Variants in MORC2 observed in about 807,000 individuals in gnomAD.
The protein encoded by MORC2 is ATPase MORC2.
A neutral mutation model predicts 136.0 loss-of-function variants in MORC2; 30 were observed. The observed-to-expected ratio is 0.22, with a 90% CI of 0.17 to 0.30. The LOEUF is 0.30. MORC2 is among the 10% of genes least tolerant of loss of function. The pLI is 1.00. For missense variants in MORC2, 922 were observed against 1,333.1 expected, an observed-to-expected ratio of 0.69 and a Z score of 4.80; for synonymous variants, 439 against 487.0, an observed-to-expected ratio of 0.90 and a Z score of 1.30.
rs545620712 is a variant in MORC2 at position 30,931,084 on chromosome 22, G to A, written c.2841+1275C>T. Among the ~76,000 whole-genome samples, 8 of 152,118 alleles carry A rather than the reference G, an allele frequency of 5.3e-5. No individual in the cohort carries two copies. The South Asian group carries it at 1.2e-3, about 24-fold the overall frequency. ...TCACCCCCAAGCCCACTGCCACCACGCTGACTCCTGTTCCCATTCCCTCAC... is the reference window on the plus strand; with the variant it reads ...TCACCCCCAAGCCCACTGCCACCACACTGACTCCTGTTCCCATTCCCTCAC... On this transcript the variant is annotated intron_variant, in intron 24 of 25. Transcript: ENST00000397641.
chr22:30,964,253 A>G (rs1569205977), intron 1 of MORC2, among the ~76,000 whole-genome samples: 2 of 152,196 alleles, frequency 1.3e-5, no homozygotes, highest in Non-Finnish European at 2.9e-5. Flanking sequence ...GCTACTTGGA[A>G]GGCTGAGGGA....
chr22:30,945,445 T>C (rs965221567), intron 6 of MORC2, among the ~76,000 whole-genome samples: 1 of 152,190 alleles, frequency 6.6e-6, no homozygotes, highest in Non-Finnish European at 1.5e-5. Flanking sequence ...AAGTCTGAAT[T>C]CAATTACCTG....
rs754758325 is a variant in MORC2, at chr22:30,933,037, A to G, written c.2381-7T>C. ...TCCACGTGCAGCCCTTTATCTGACA[A>G]TGTAGACAGAGGTGCGAGTCAGAAA... On this transcript the variant is annotated splice_polypyrimidine_tract_variant and splice_region_variant and intron_variant, in intron 21 of 25. Coordinates refer to ENST00000397641, the MANE Select transcript of MORC2 (RefSeq NM_001303256.3). The G allele has an allele frequency of 4.3e-5, 69 of 1,613,506 alleles. No homozygotes were observed. The highest frequency in any genetic ancestry group is 5.6e-5 in the Non-Finnish European group (66 of 1,179,958).
chr22:30,929,876 GT>G (rs2040547763), intron 24 of MORC2: 1 of 151,824 alleles, frequency 6.6e-6, no homozygotes, highest in Non-Finnish European at 1.5e-5. Flanking sequence ...TTTTGACACA[GT>G]CTCGCTCTGT....
chr22:30,935,310 T>C lies in MORC2; in HGVS notation c.1750A>G (p.Ile584Val). The C allele has an allele frequency of 1.2e-6, 2 of 1,613,710 alleles. No individual in the cohort carries two copies. The highest frequency in any genetic ancestry group is 1.7e-6 in the Non-Finnish European group (2 of 1,179,878). ...TTCTTCAGGTCTGCTTGGGAGCGGA[T>C]GGGTGTGGTTTTCTGCAAGGCAAAC... Reference protein sequence around the residue: ...KLEALQKTTPIRSQADLKKLP... With the variant: ...KLEALQKTTPVRSQADLKKLP... Residue 584 changes from isoleucine (I) to valine (V), a missense_variant, in exon 18 of 26, where the codon ATC becomes GTC. Ile to Val is a conservative substitution (Grantham distance 29). This residue lies in a region of MORC2 where 119 missense variants were observed against 202.7 expected (regional missense o/e 0.59). Transcript: ENST00000397641.
intron 6 of MORC2, among the ~76,000 whole-genome samples, chr22:30,944,604 A>G (rs576644319): frequency 6.6e-6 from 1 of 152,138 alleles, no homozygotes; most frequent in Non-Finnish European, 1.5e-5. Flanking sequence ...CCAGACCCAG[A>G]CTGCACTTTG....
intron 24 of MORC2, among the ~76,000 whole-genome samples, chr22:30,930,417 G>C (rs1363831113): frequency 6.6e-6 from 1 of 152,156 alleles, no homozygotes; most frequent in Non-Finnish European, 1.5e-5. Flanking sequence ...TGTGATTTCT[G>C]CACCTTCTAG....
intron 12 of MORC2, among the ~76,000 whole-genome samples, chr22:30,938,874 T>C (rs1309466053): frequency 6.6e-6 from 1 of 152,208 alleles, no homozygotes; most frequent in Non-Finnish European, 1.5e-5. Context: ...CGGCCAATTA[T>C]TATTATTTTA....
intron 5 of MORC2, among the ~76,000 whole-genome samples, chr22:30,948,718 T>C (rs1269462735): frequency 6.6e-6 from 1 of 152,174 alleles, no homozygotes; most frequent in African/African-American, 2.4e-5. Flanking sequence ...TTTAATGCCT[T>C]TGGGAAAGTA....
intron 1 of MORC2, among the ~76,000 whole-genome samples, chr22:30,962,819 T>C (rs553856500): frequency 3.9e-5 from 6 of 152,312 alleles, no homozygotes; most frequent in South Asian, 2.1e-4. Flanking sequence ...TGATTAAAGA[T>C]AGATCTTCCA....
At chr22:30,962,707 AG>A (rs1340081142) in intron 1 of MORC2, among the ~76,000 whole-genome samples, 16 of 152,302 alleles carry the variant, frequency 1.1e-4, no homozygotes, top group African/African-American at 3.8e-4. Flanking sequence ...ATGTAGCCAA[AG>A]GGTACTTTTG....
rs3827330 is a variant in MORC2 at position 30,957,839 on chromosome 22, T to C, written c.122+802A>G. On this transcript the variant is annotated intron_variant, in intron 2 of 25. Coordinates refer to ENST00000397641, the MANE Select transcript of MORC2 (RefSeq NM_001303256.3). ...ACAAAAGTAATTAGAATAAGTTTAT[T>C]GTATACACAGAGGTAAAGAGGAAAT... Among the ~76,000 whole-genome samples, 4 of 152,182 alleles carry C rather than the reference T, an allele frequency of 2.6e-5. No homozygotes were observed. In the East Asian group the frequency reaches 7.7e-4, roughly 29 times the overall value.
At position 30,926,483 on chromosome 22, in the gene MORC2, T is replaced by C. The variant is rs1214319431; in HGVS notation, c.*320A>G. 6.4e-6 allele frequency: 1 copy of C among 155,192 alleles called. No homozygotes were observed. Among genetic ancestry groups the C allele is most frequent in the Non-Finnish European group, 1.2e-5 (1 of 84,828 alleles). 9.6% of individuals were successfully genotyped at this position (155,192 alleles called of 1,614,324 possible). On this transcript the variant is annotated 3_prime_UTR_variant, in exon 26 of 26. Coordinates refer to ENST00000397641, the MANE Select transcript of MORC2 (RefSeq NM_001303256.3). ...GCCGTTATCTTGAGGAGCCAGGAGCTGAAATGGCTCCGGCTTAGCAACCCA... is the reference window on the plus strand; with the variant it reads ...GCCGTTATCTTGAGGAGCCAGGAGCCGAAATGGCTCCGGCTTAGCAACCCA...
intron 1 of MORC2, among the ~76,000 whole-genome samples, chr22:30,962,435 TAATA>T (rs1351958522): frequency 2.0e-5 from 3 of 151,498 alleles, no homozygotes; most frequent in African/African-American, 7.3e-5. Context: ...TTATTATTTA[TAATA>T]AATAAATAAG....
At chr22:30,928,251 G>A (rs759981074) in intron 24 of MORC2, 44 bp from the exon 25 acceptor site, 1 of 1,607,098 alleles carries the variant, frequency 6.2e-7, no homozygotes, top group African/African-American at 1.3e-5. Context: ...AGTTCACAGG[G>A]GTCCCCAGGG....
At chr22:30,959,184 T>C (rs2041008616) in intron 1 of MORC2, among the ~76,000 whole-genome samples, 1 of 152,224 alleles carries the variant, frequency 6.6e-6, no homozygotes, top group South Asian at 2.1e-4. Context: ...AAGTTTTGAA[T>C]AACATGATAA....
chr22:30,942,880 C>G (rs1256370353), intron 6 of MORC2, among the ~76,000 whole-genome samples: 1 of 152,168 alleles, frequency 6.6e-6, no homozygotes, highest in Non-Finnish European at 1.5e-5. Flanking sequence ...CAGCGTGCGT[C>G]TGTAGCCCCA....
intron 5 of MORC2, among the ~76,000 whole-genome samples, chr22:30,946,729 G>A (rs546690296): frequency 3.3e-5 from 5 of 152,016 alleles, no homozygotes; most frequent in African/African-American, 7.2e-5. Flanking sequence ...CTTCTAGGGC[G>A]GGCTCACGGC....
At chr22:30,952,269 T>C (rs2040899810) in intron 3 of MORC2, among the ~76,000 whole-genome samples, 1 of 152,236 alleles carries the variant, frequency 6.6e-6, no homozygotes, top group South Asian at 2.1e-4. Flanking sequence ...AGCCATTTGC[T>C]GTACACTACA....
Sources: gnomAD v4.1 joint callset for allele counts (sites outside exome capture counted in the v4.1 genomes callset) on GRCh38, gnomAD v4.1.1 for gene constraint, gnomAD v4.1.1 regional missense constraint, MANE v1.5 for transcripts, NCBI Gene and HGNC (gene_info 2026-07-23, HGNC 2026-07-21) for gene names.